EEIG1: variants seen among roughly 807,000 people sequenced by gnomAD.
EEIG1 encodes the protein estrogen-induced osteoclastogenesis regulator 1, also known as early estrogen-induced gene 1 protein.
the EEIG1 span, among the ~76,000 whole-genome samples, chr9:127,969,945 C>T: frequency 6.6e-5 from 10 of 152,040 alleles, no homozygotes; most frequent in African/African-American, 2.4e-5. Flanking sequence ...GGCACAGAGA[C>T]GTGCAGAACT....
At chr9:127,978,227 C>T in the EEIG1 span, among the ~76,000 whole-genome samples, 2 of 152,208 alleles carry the variant, frequency 1.3e-5, no homozygotes, top group African/African-American at 4.8e-5. Flanking sequence ...GTGCAGTTCC[C>T]CTCCCTTCCC....
At chr9:127,977,577 A>G in the EEIG1 span, among the ~76,000 whole-genome samples, 1 of 152,148 alleles carries the variant, frequency 6.6e-6, no homozygotes, top group Non-Finnish European at 1.5e-5. Flanking sequence ...AAAGACCCGG[A>G]AAGGGCTGGG....
the EEIG1 span, among the ~76,000 whole-genome samples, chr9:127,952,396 C>T: frequency 6.6e-6 from 1 of 152,240 alleles, no homozygotes; most frequent in Non-Finnish European, 1.5e-5. Context: ...GGCTAAGCCT[C>T]AGGAGCTGAG....
At chr9:127,949,012 T>C in the EEIG1 span, among the ~76,000 whole-genome samples, 3 of 152,020 alleles carry the variant, frequency 2.0e-5, no homozygotes, top group African/African-American at 4.8e-5. Context: ...TATGAAAGGG[T>C]GACCACTCCG....
chr9:127,958,846 A>C, the EEIG1 span, among the ~76,000 whole-genome samples: 4 of 152,174 alleles, frequency 2.6e-5, no homozygotes, highest in Non-Finnish European at 5.9e-5. Flanking sequence ...ACAAAAATCC[A>C]ATTAAAAATG....
the EEIG1 span, among the ~76,000 whole-genome samples, chr9:127,977,406 C>T: frequency 1.3e-5 from 2 of 152,376 alleles, no homozygotes; most frequent in South Asian, 2.1e-4. Context: ...GAAAGGCCAA[C>T]AGGTAGGGAG....
At chr9:127,976,420 C>T in the EEIG1 span, among the ~76,000 whole-genome samples, 3 of 152,226 alleles carry the variant, frequency 2.0e-5, no homozygotes, top group South Asian at 2.1e-4. The surrounding 1 kb of genome is among the most constrained non-coding windows in gnomAD (Gnocchi z 4.1). Flanking sequence ...CAATCAAGGG[C>T]GCTTTATAGA....
chr9:127,945,817 C>A, the EEIG1 span: 1 of 1,159,652 alleles, frequency 8.6e-7, no homozygotes, highest in Admixed American at 2.0e-5. This position sits in a 1 kb window ranked among gnomAD's most constrained non-coding sequence, Gnocchi z 6.5. Flanking sequence ...TCACTGTCGC[C>A]CTTCACAACG....
the EEIG1 span, among the ~76,000 whole-genome samples, chr9:127,950,089 A>G: frequency 6.6e-6 from 1 of 152,202 alleles, no homozygotes; most frequent in Non-Finnish European, 1.5e-5. Flanking sequence ...GGGACTAATC[A>G]AAGATACCAC....
At chr9:127,970,792 G>A in the EEIG1 span, among the ~76,000 whole-genome samples, 1 of 25,092 alleles carries the variant, frequency 4.0e-5, no homozygotes, top group Admixed American at 5.2e-4. Flanking sequence ...CGCTCAGCAC[G>A]CTCGCCCTTG....
the EEIG1 span, among the ~76,000 whole-genome samples, chr9:127,971,780 C>T: frequency 6.6e-6 from 1 of 152,186 alleles, no homozygotes; most frequent in South Asian, 2.1e-4. Context: ...GAGATGAGGG[C>T]CCACAGAGTG....
the EEIG1 span, chr9:127,945,621 A>C: frequency 8.3e-6 from 13 of 1,566,058 alleles, no homozygotes; most frequent in African/African-American, 1.4e-5. The surrounding 1 kb of genome is among the most constrained non-coding windows in gnomAD (Gnocchi z 6.5). Context: ...GGAGGAGGCC[A>C]CGGGGGCAGG....
the EEIG1 span, chr9:127,944,840 C>T: frequency 2.5e-6 from 4 of 1,612,596 alleles, no homozygotes; most frequent in Non-Finnish European, 3.4e-6. Flanking sequence ...ATGGCATCCG[C>T]ATCGATCCGC....
the EEIG1 span, among the ~76,000 whole-genome samples, chr9:127,961,903 T>C: frequency 2.0e-5 from 3 of 152,198 alleles, no homozygotes; most frequent in East Asian, 1.9e-4. Context: ...GGGGCAGGCA[T>C]GGGCCAGGGA....
chr9:127,947,656 A>G, the EEIG1 span, among the ~76,000 whole-genome samples: 6 of 152,120 alleles, frequency 3.9e-5, no homozygotes, highest in African/African-American at 9.7e-5. Flanking sequence ...TGCCAGGTAT[A>G]CTGTGCCTCA....
chr9:127,947,583 C>G, the EEIG1 span, among the ~76,000 whole-genome samples: 1 of 152,148 alleles, frequency 6.6e-6, no homozygotes, highest in Admixed American at 6.5e-5. Context: ...GACAGAGAGA[C>G]GCAAACTGGC....
the EEIG1 span, among the ~76,000 whole-genome samples, chr9:127,980,726 A>T: frequency 6.0e-5 from 9 of 149,864 alleles, no homozygotes; most frequent in Non-Finnish European, 1.3e-4. Context: ...GGGCCTCTCC[A>T]GGAGGCGCGT....
chr9:127,980,589 C>A, the EEIG1 span: 1 of 150,346 alleles, frequency 6.7e-6, no homozygotes, highest in South Asian at 2.1e-4. Context: ...GGCGGCCCCG[C>A]CCCCGCCCCG....
chr9:127,953,624 C>T, the EEIG1 span: 45 of 1,614,062 alleles, frequency 2.8e-5, no homozygotes, highest in Non-Finnish European at 3.6e-5. Context: ...GAGGGAGACA[C>T]AAGCAGCAAG....
Sources: gnomAD v4.1 joint callset for allele counts (sites outside exome capture counted in the v4.1 genomes callset) on GRCh38, gnomAD v4.1.1 for gene constraint, Gnocchi (gnomAD v3.1) non-coding constraint, MANE v1.5 for transcripts, NCBI Gene and HGNC (gene_info 2026-07-23, HGNC 2026-07-21) for gene names.